The following MBP variants were observed in gnomAD, a reference collection of about 807,000 sequenced individuals.
MBP encodes myelin basic protein.
A neutral mutation model predicts 35.8 loss-of-function variants in MBP; 16 were observed. That is an observed-to-expected ratio of 0.45 (90% CI 0.30 to 0.68). The LOEUF is 0.68. MBP is among the 30% of genes least tolerant of loss of function. The pLI is 0.08. For synonymous variants in MBP, 143 were observed against 159.6 expected (o/e 0.90, Z 0.78); for missense variants, 380 against 404.7 (o/e 0.94, Z 0.52).
chr18:77,067,817 C>T (rs562006744), intron 2 of MBP: 53 of 512,756 alleles, frequency 1.0e-4, no homozygotes, highest in South Asian at 6.5e-4. Flanking sequence ...CTCAATTTTA[C>T]ATTCTTTTCC....
At chr18:76,982,576 C>G (rs2123049987) in intron 8 of MBP, 1 of 152,306 alleles carries the variant, frequency 6.6e-6, no homozygotes, top group South Asian at 2.1e-4. Context: ...CTACCCAGTT[C>G]CTACCGACAG....
chr18:77,024,000 AT>A (rs1485633486), intron 3 of MBP, among the ~76,000 whole-genome samples: 1 of 152,208 alleles, frequency 6.6e-6, no homozygotes, highest in Non-Finnish European at 1.5e-5. Flanking sequence ...AGATGCTGAT[AT>A]TTACTGGAGT....
chr18:77,122,003 T>C (rs1274057459), intron 1 of MBP, among the ~76,000 whole-genome samples: 1 of 152,328 alleles, frequency 6.6e-6, no homozygotes, highest in East Asian at 1.9e-4. Context: ...CAGGCAACAA[T>C]TTAAGCTGAA....
chr18:77,028,448 C>T lies in MBP; in HGVS notation c.140-11180G>A, dbSNP rs1206294131. 3.7e-4 allele frequency among the ~76,000 whole-genome samples: 40 copies of T among 108,476 alleles called. 1 individual carries two copies. The highest frequency in any genetic ancestry group is 9.9e-4 in the Admixed American group (10 of 10,088). 71.2% of individuals were successfully genotyped at this position (108,476 alleles called of 152,430 possible). A position where few individuals can be genotyped will look rare whatever the true frequency, so the allele number is the denominator to read the frequency against. On this transcript the variant is annotated intron_variant, in intron 3 of 8. Transcript: ENST00000355994. ...TCAATCTTTTCCCCACCTTTCCCCC[C>T]TTTCTATTCCACAAAACCGCCATTG...
intron 3 of MBP, among the ~76,000 whole-genome samples, chr18:77,050,488 C>G (rs1973444978): frequency 6.6e-6 from 1 of 152,198 alleles, no homozygotes; most frequent in African/African-American, 2.4e-5. Flanking sequence ...GCAGTTCCTT[C>G]TTCATTGCCA....
intron 4 of MBP, 97 bp from the exon 5 acceptor site, chr18:76,990,157 A>ATTTTT: frequency 1.7e-6 from 1 of 604,438 alleles, no homozygotes; most frequent in Non-Finnish European, 2.9e-6. Flanking sequence ...TGTAATCTGG[A>ATTTTT]TTTTTTTTTT....
chr18:77,039,487 G>T (rs1972898762), intron 3 of MBP, among the ~76,000 whole-genome samples: 1 of 152,152 alleles, frequency 6.6e-6, no homozygotes, highest in Non-Finnish European at 1.5e-5. Context: ...TAAATGAAAT[G>T]GATGAGAATT....
Position 77,101,178 on chromosome 18 carries a change from G to A in MBP, c.51+4033C>T, listed in dbSNP as rs1165797507. Among the ~76,000 whole-genome samples the A allele has an allele frequency of 1.3e-5, 2 of 152,206 alleles. No individual in the cohort carries two copies. Among genetic ancestry groups the A allele is most frequent in the African/African-American group, 4.8e-5 (2 of 41,464 alleles). The stretch of plus-strand genomic sequence containing the variant: ...AAGACAGGGCATCCCTCTGTGGGTG[G>A]GTCTTGCCCCCTGCCCCTCTCCTGG... On this transcript the variant is annotated intron_variant, in intron 2 of 8. Coordinates refer to ENST00000355994, the MANE Select transcript of MBP (RefSeq NM_001025101.2). The surrounding 1 kb of genome is among the most constrained non-coding windows in gnomAD (Gnocchi z 4.3).
At chr18:77,123,559 G>A (rs764978383) in intron 1 of MBP, among the ~76,000 whole-genome samples, 2 of 152,194 alleles carry the variant, frequency 1.3e-5, no homozygotes, top group African/African-American at 4.8e-5. Flanking sequence ...GCAATCCTAA[G>A]TTAACCCGGA....
chr18:77,123,344 T>C (rs1249142259), intron 1 of MBP, among the ~76,000 whole-genome samples: 1 of 152,238 alleles, frequency 6.6e-6, no homozygotes, highest in African/African-American at 2.4e-5. Flanking sequence ...AAATACATGA[T>C]GCAAATAAAA....
At chr18:77,030,492 G>A (rs1420911944) in intron 3 of MBP, among the ~76,000 whole-genome samples, 3 of 152,140 alleles carry the variant, frequency 2.0e-5, no homozygotes, top group South Asian at 4.1e-4. Flanking sequence ...CTGTGGTACC[G>A]GTACATGGAA....
intron 3 of MBP, among the ~76,000 whole-genome samples, chr18:77,023,786 C>T (rs926665967): frequency 6.6e-6 from 1 of 152,146 alleles, no homozygotes; most frequent in African/African-American, 2.4e-5. Context: ...GCCCAGACAC[C>T]CTTCTCCGAG....
intron 4 of MBP, among the ~76,000 whole-genome samples, chr18:76,992,480 C>A (rs1599487238): frequency 6.6e-6 from 1 of 152,204 alleles, no homozygotes; most frequent in African/African-American, 2.4e-5. Flanking sequence ...GGCTGGGGAC[C>A]CCTTCTTTAA....
intron 2 of MBP, among the ~76,000 whole-genome samples, chr18:77,085,481 A>G (rs1251639590): frequency 6.6e-6 from 1 of 152,182 alleles, no homozygotes; most frequent in Non-Finnish European, 1.5e-5. Context: ...ACATTGAATG[A>G]TCTCATGGCC....
chr18:77,058,393 GC>G (rs768394734), intron 3 of MBP, among the ~76,000 whole-genome samples: 16 of 152,310 alleles, frequency 1.1e-4, no homozygotes, highest in Non-Finnish European at 1.8e-4. Flanking sequence ...CAGGCTGACA[GC>G]CCGGCCGGAC....
At chr18:77,105,456 A>C (rs1976238243) in intron 1 of MBP, among the ~76,000 whole-genome samples, 170 bp from the exon 2 acceptor site, 1 of 152,224 alleles carries the variant, frequency 6.6e-6, no homozygotes, top group African/African-American at 2.4e-5. Flanking sequence ...TTATTAACAC[A>C]TGCTATCTTT....
At chr18:77,021,948 T>C (rs1479801929) in intron 3 of MBP, among the ~76,000 whole-genome samples, 1 of 152,092 alleles carries the variant, frequency 6.6e-6, no homozygotes, top group Non-Finnish European at 1.5e-5. Context: ...ATCTGGGGGA[T>C]GCGAAGAGGG....
chr18:77,052,580 T>A (rs1400367908), intron 3 of MBP, among the ~76,000 whole-genome samples: 1 of 152,226 alleles, frequency 6.6e-6, no homozygotes, highest in Admixed American at 6.5e-5. Context: ...CAGGATCGCT[T>A]AGGGGTAAGT....
At chr18:77,097,182 C>A (rs1297209478) in intron 2 of MBP, 1 of 152,274 alleles carries the variant, frequency 6.6e-6, no homozygotes, top group Non-Finnish European at 1.5e-5. Context: ...TCCCCTGATC[C>A]TTTGGATAAT....
Sources: allele counts gnomAD v4.1 joint callset (sites outside exome capture counted in the v4.1 genomes callset), GRCh38; gene constraint gnomAD v4.1.1; non-coding constraint Gnocchi (gnomAD v3.1); transcripts MANE v1.5; gene names NCBI Gene and HGNC (gene_info 2026-07-23, HGNC 2026-07-21).